The following CDH13 variants were observed in gnomAD, a reference collection of about 807,000 sequenced individuals.
The protein encoded by CDH13 is cadherin 13, also known as cadherin-13.
CDH13 carries 24 observed loss-of-function variants against 63.8 expected under a neutral mutation model. That is an observed-to-expected ratio of 0.38 (90% confidence interval 0.27 to 0.53). CDH13 has a LOEUF of 0.53. Ranked by LOEUF, CDH13 falls within the 20% of genes least tolerant of loss-of-function variation. The pLI is 0.85. For synonymous variants in CDH13, 503 were observed against 355.3 expected (o/e 1.42, Z -4.67); for missense variants, 1,049 against 903.1 (o/e 1.16, Z -2.07).
rs189833328 is a variant in CDH13, at chr16:83,078,167, A to T, written c.366+45949A>T. Among the ~76,000 whole-genome samples, 128 of 152,278 alleles carry T rather than the reference A, an allele frequency of 8.4e-4. 1 individual carries two copies. The highest frequency in any genetic ancestry group is 2.7e-3 in the African/African-American group (114 of 41,562). On this transcript the variant is annotated intron_variant, in intron 3 of 13. Transcript: ENST00000567109. ...CGGCAGAGTTTTGGGCAGAATTCATACACAGAAGTTGGGGCTTCCTGTCAC... is the reference window on the plus strand; with the variant it reads ...CGGCAGAGTTTTGGGCAGAATTCATTCACAGAAGTTGGGGCTTCCTGTCAC...
chr16:83,699,034 T>C (rs1054594133), intron 10 of CDH13, among the ~76,000 whole-genome samples: 2 of 152,212 alleles, frequency 1.3e-5, no homozygotes, highest in African/African-American at 4.8e-5. Flanking sequence ...TGCTGCGAGC[T>C]CTTTAGGGGA....
At chr16:83,086,455 G>T (rs985686259) in intron 3 of CDH13, among the ~76,000 whole-genome samples, 1 of 152,182 alleles carries the variant, frequency 6.6e-6, no homozygotes, top group African/African-American at 2.4e-5. Context: ...TGGTTGTAAA[G>T]TGCTTATTGC....
At chr16:83,472,855 G>A (rs971783348) in intron 6 of CDH13, among the ~76,000 whole-genome samples, 1 of 152,176 alleles carries the variant, frequency 6.6e-6, no homozygotes, top group African/African-American at 2.4e-5. Flanking sequence ...ATACGAGGGT[G>A]AATCAAATGT....
At chr16:83,372,010 A>G (rs1343923699) in intron 6 of CDH13, among the ~76,000 whole-genome samples, 2 of 152,234 alleles carry the variant, frequency 1.3e-5, no homozygotes, top group African/African-American at 4.8e-5. Flanking sequence ...TATGTAGGTT[A>G]TTCAGTTCCA....
chr16:83,143,029 G>A (rs1046063048), intron 4 of CDH13, among the ~76,000 whole-genome samples: 4 of 152,240 alleles, frequency 2.6e-5, no homozygotes, highest in South Asian at 2.1e-4. Context: ...GCTTGAACCC[G>A]GGAGGCGGAG....
chr16:83,230,556 C>T (rs2039972696), intron 5 of CDH13, among the ~76,000 whole-genome samples: 1 of 152,150 alleles, frequency 6.6e-6, no homozygotes, highest in African/African-American at 2.4e-5. Context: ...GAGGCCGAGG[C>T]TGGAAGATCA....
intron 4 of CDH13, among the ~76,000 whole-genome samples, chr16:83,174,304 A>G (rs1177706993): frequency 2.6e-5 from 4 of 151,984 alleles, no homozygotes; most frequent in South Asian, 2.1e-4. Context: ...TAATAACACC[A>G]CTCAATGATG....
At chr16:82,914,426 T>C (rs7197619) in intron 2 of CDH13, among the ~76,000 whole-genome samples, 1 of 152,018 alleles carries the variant, frequency 6.6e-6, no homozygotes, top group Non-Finnish European at 1.5e-5. Context: ...TTCTATTGTC[T>C]CATGACTAGT....
intron 4 of CDH13, among the ~76,000 whole-genome samples, chr16:83,193,690 C>A (rs1192484154): frequency 6.6e-6 from 1 of 152,212 alleles, no homozygotes; most frequent in African/African-American, 2.4e-5. Context: ...GCTCTTCTAA[C>A]TTAAATCACT....
rs146605568 is a variant in CDH13, at chr16:83,547,217, G to C, written c.961-55237G>C. Among the ~76,000 whole-genome samples, 350 of 152,334 alleles carry C rather than the reference G, an allele frequency of 2.3e-3. 5 individuals carry two copies. Among genetic ancestry groups the C allele is most frequent in the African/African-American group, 7.9e-3 (327 of 41,576 alleles). On this transcript the variant is annotated intron_variant, in intron 7 of 13. Coordinates refer to ENST00000567109, the MANE Select transcript of CDH13 (RefSeq NM_001257.5). ...AAAAGCTAAGAAGGAAAGGCAAACA[G>C]GGCTTCAAGAGTACACAGCAGTGAG... is the stretch of plus-strand genomic sequence containing the variant.
At chr16:82,755,438 G>A (rs929060554) in intron 1 of CDH13, among the ~76,000 whole-genome samples, 30 of 152,248 alleles carry the variant, frequency 2.0e-4, no homozygotes, top group Admixed American at 1.6e-3. Context: ...TGAAGCTGAA[G>A]TCTCTGAGGA....
At chr16:83,255,519 T>C (rs1440277753) in intron 5 of CDH13, among the ~76,000 whole-genome samples, 1 of 152,212 alleles carries the variant, frequency 6.6e-6, no homozygotes, top group African/African-American at 2.4e-5. Context: ...CAGTAAAGAA[T>C]GGGCTACGTG....
intron 7 of CDH13, among the ~76,000 whole-genome samples, chr16:83,520,862 G>A (rs1302381442): frequency 6.6e-6 from 1 of 152,108 alleles, no homozygotes; most frequent in African/African-American, 2.4e-5. Context: ...GTTCTGCCCA[G>A]CTCAAAATCT....
At chr16:83,171,629 C>T (rs1216281951) in intron 4 of CDH13, 3 of 1,363,322 alleles carry the variant, frequency 2.2e-6, no homozygotes, top group Non-Finnish European at 2.0e-6. Context: ...GTTTGTGTCT[C>T]CAATTTCCTA....
intron 6 of CDH13, among the ~76,000 whole-genome samples, chr16:83,350,206 A>G (rs1003909168): frequency 6.6e-6 from 1 of 152,090 alleles, no homozygotes; most frequent in African/African-American, 2.4e-5. Context: ...AGCTGGCTGT[A>G]GGTTGTGTTC....
At chr16:83,220,671 G>GAAAAAAAAAAAAAAAAA (rs770496643) in intron 5 of CDH13, among the ~76,000 whole-genome samples, 1 of 131,364 alleles carries the variant, frequency 7.6e-6, no homozygotes, top group Non-Finnish European at 1.7e-5. Context: ...AAAAGAAAAA[G>GAAAAAAAAAAAAAAAAA]AAAAAAAAAA....
intron 1 of CDH13, among the ~76,000 whole-genome samples, chr16:82,753,507 C>T (rs1300178007): frequency 1.3e-5 from 2 of 152,222 alleles, no homozygotes; most frequent in East Asian, 1.9e-4. Context: ...TGTGTATTTA[C>T]GTACTTCCTA....
intron 8 of CDH13, among the ~76,000 whole-genome samples, chr16:83,666,437 A>G (rs1287226374): frequency 3.9e-5 from 6 of 152,222 alleles, no homozygotes; most frequent in African/African-American, 1.4e-4. Context: ...TCCATATTTA[A>G]AGATTTTTTT....
chr16:83,645,622 T>G (rs1266789851), intron 8 of CDH13, among the ~76,000 whole-genome samples: 2 of 151,828 alleles, frequency 1.3e-5, no homozygotes, highest in Non-Finnish European at 2.9e-5. Context: ...AGGTGTGGCA[T>G]TACAGAAACC....
Sources: allele counts gnomAD v4.1 joint callset (sites outside exome capture counted in the v4.1 genomes callset), GRCh38; gene constraint gnomAD v4.1.1; transcripts MANE v1.5; gene names NCBI Gene and HGNC (gene_info 2026-07-23, HGNC 2026-07-21).